LRP1B: variants seen among roughly 807,000 people sequenced by gnomAD.
LRP1B encodes LDL receptor related protein 1B.
Under a neutral mutation model 556.6 loss-of-function variants are expected in LRP1B, and 217 were observed. That is an observed-to-expected ratio of 0.39 (90% CI 0.35 to 0.44). The LOEUF (loss-of-function observed/expected upper bound fraction) is 0.44. LRP1B is among the 20% of genes least tolerant of loss of function. The pLI, the probability that LRP1B is intolerant of heterozygous loss-of-function variation, is 1.00. For synonymous variants in LRP1B, 2,047 were observed against 1,865.8 expected, an observed-to-expected ratio of 1.10 and a Z score of -2.50; for missense variants, 5,053 against 5,620.8, an observed-to-expected ratio of 0.90 and a Z score of 3.23.
chr2:141,570,203 G>A (rs1686478038), intron 2 of LRP1B, among the ~76,000 whole-genome samples: 1 of 151,076 alleles, frequency 6.6e-6, no homozygotes, highest in African/African-American at 2.4e-5. Flanking sequence ...GAAGGCCTCT[G>A]GGTTGGTGGA....
chr2:141,671,291 T>G (rs1381614157), intron 2 of LRP1B, among the ~76,000 whole-genome samples: 2 of 152,132 alleles, frequency 1.3e-5, no homozygotes, highest in African/African-American at 2.4e-5. Flanking sequence ...TAAGGTCAGA[T>G]TCTCTAGAAG....
chr2:140,975,089 A>G (rs565234306), intron 18 of LRP1B, among the ~76,000 whole-genome samples: 1 of 152,356 alleles, frequency 6.6e-6, no homozygotes, highest in Non-Finnish European at 1.5e-5. Context: ...TAGCAAAGAC[A>G]GCAAACCTTC....
rs549092032 is a variant in LRP1B, at chr2:141,682,922, T to A, written c.205+127357A>T. ...TTATATTTTGCAAATAGATTCAGTGTTTGGTGCATAGCATCTACTTATAAT... is the reference window on the plus strand; with the variant it reads ...TTATATTTTGCAAATAGATTCAGTGATTGGTGCATAGCATCTACTTATAAT... On this transcript the variant is annotated intron_variant, in intron 2 of 90. Coordinates refer to ENST00000389484, the MANE Select transcript of LRP1B (RefSeq NM_018557.3). Among the ~76,000 whole-genome samples, 15 of 152,250 alleles carry A rather than the reference T, an allele frequency of 9.9e-5. No homozygotes were observed. The South Asian group carries it at 2.5e-3, about 25-fold the overall frequency.
At chr2:141,068,444 A>G (rs76282987) in intron 7 of LRP1B, among the ~76,000 whole-genome samples, 1 of 150,128 alleles carries the variant, frequency 6.7e-6, no homozygotes, top group East Asian at 2.0e-4. Context: ...ACCAGGTGTG[A>G]TGTTTGCATA....
At chr2:140,460,320 A>C (rs531051684) in intron 60 of LRP1B, among the ~76,000 whole-genome samples, 1 of 152,120 alleles carries the variant, frequency 6.6e-6, no homozygotes, top group East Asian at 1.9e-4. Flanking sequence ...TAAATTACCA[A>C]ATCTGTAGTA....
intron 86 of LRP1B, among the ~76,000 whole-genome samples, chr2:140,259,775 T>C (rs1681851655): frequency 2.0e-5 from 3 of 151,902 alleles, no homozygotes; most frequent in Admixed American, 2.0e-4. Context: ...AAAGAAGCCA[T>C]GGGAATAGAA....
rs760864829 is a variant in LRP1B, at chr2:140,907,888, C to G, written c.3509G>C (p.Gly1170Ala). Residue 1170 changes from glycine to alanine, a missense_variant, in exon 22 of 91, where the codon GGC becomes GCC. Gly to Ala is a moderately conservative substitution (Grantham distance 60). This residue lies in a region of LRP1B where 3,619 missense variants were observed against 3,931.9 expected (regional missense o/e 0.92). Coordinates refer to ENST00000389484, the MANE Select transcript of LRP1B (RefSeq NM_018557.3). ...TAAACATGCAATACCACAGAGATAG[C>G]CTTCATCAGAGCCATCAGGACAATC... ...KKDCPDGSDEGYLCDECSLNN... is the reference protein window; with the variant it reads ...KKDCPDGSDEAYLCDECSLNN... 6.2e-7 allele frequency: 1 copy of G among 1,613,386 alleles called. No homozygotes were observed. The highest frequency in any genetic ancestry group is 8.5e-7 in the Non-Finnish European group (1 of 1,179,500).
intron 77 of LRP1B, among the ~76,000 whole-genome samples, chr2:140,338,822 G>GCAAAA (rs201261283): frequency 0.012 from 1,772 of 151,666 alleles, 12 homozygotes; most frequent in Non-Finnish European, 0.017. Flanking sequence ...AAATCATGAA[G>GCAAAA]CAAAACAAAC....
intron 17 of LRP1B, 38 bp downstream of exon 17, chr2:140,989,494 T>C (rs758817611): frequency 6.2e-7 from 1 of 1,609,546 alleles, no homozygotes; most frequent in Non-Finnish European, 8.5e-7. Flanking sequence ...AGACTAACTT[T>C]GGAGGAGATT....
At chr2:141,268,996 T>A (rs901824482) in intron 3 of LRP1B, among the ~76,000 whole-genome samples, 4 of 152,126 alleles carry the variant, frequency 2.6e-5, no homozygotes, top group Admixed American at 2.6e-4. Flanking sequence ...ATGACACTTG[T>A]AAAGCAGAGG....
At chr2:141,454,974 A>ATT (rs201551889) in intron 3 of LRP1B, among the ~76,000 whole-genome samples, 10 of 152,016 alleles carry the variant, frequency 6.6e-5, no homozygotes, top group Middle Eastern at 3.4e-3. Context: ...TTGTAAATGT[A>ATT]TTTTTTTTCT....
chr2:140,399,131 A>G (rs936428428), intron 66 of LRP1B, among the ~76,000 whole-genome samples: 9 of 149,880 alleles, frequency 6.0e-5, no homozygotes, highest in Non-Finnish European at 1.3e-4. Context: ...TCTAAAACTT[A>G]GTGCCTTATT....
At chr2:140,366,059 T>C (rs1420970748) in intron 71 of LRP1B, among the ~76,000 whole-genome samples, 2 of 151,702 alleles carry the variant, frequency 1.3e-5, no homozygotes, top group African/African-American at 4.8e-5. Context: ...TAAGAAGTGA[T>C]AGAATCAGTT....
At chr2:141,967,224 T>C (rs1052228973) in intron 1 of LRP1B, among the ~76,000 whole-genome samples, 1 of 151,954 alleles carries the variant, frequency 6.6e-6, no homozygotes, top group Non-Finnish European at 1.5e-5. Flanking sequence ...CAAAAATATA[T>C]GATTTAACTC....
rs1035340895 is a variant in LRP1B at position 140,651,995 on chromosome 2, T to C, written c.6799+48255A>G. ...GAATATGGGTAAGCACAAGAGAATATATTAGAAAATTGCCTGATATTTAAA... is the reference window on the plus strand; with the variant it reads ...GAATATGGGTAAGCACAAGAGAATACATTAGAAAATTGCCTGATATTTAAA... On this transcript the variant is annotated intron_variant, in intron 41 of 90. Transcript: ENST00000389484. 1.1e-3 allele frequency among the ~76,000 whole-genome samples: 161 copies of C among 152,132 alleles called. 1 individual carries two copies. The highest frequency in any genetic ancestry group is 3.8e-3 in the African/African-American group (156 of 41,504).
chr2:140,586,426 C>T lies in LRP1B; in HGVS notation c.7194+12205G>A, dbSNP rs144419901. Reference sequence around the variant, plus strand: ...CAGAAAACTTTACTATAGCCAGCCACCACAGGAAAAAGGCTGTGACACACC... The same window carrying T: ...CAGAAAACTTTACTATAGCCAGCCATCACAGGAAAAAGGCTGTGACACACC... On this transcript the variant is annotated intron_variant, in intron 43 of 90. Transcript: ENST00000389484. Among the ~76,000 whole-genome samples the T allele has an allele frequency of 4.5e-3, 683 of 152,300 alleles. 6 individuals are homozygous for T. The highest frequency in any genetic ancestry group is 0.015 in the African/African-American group (636 of 41,560).
At chr2:140,781,263 C>T (rs1689688743) in intron 32 of LRP1B, among the ~76,000 whole-genome samples, 1 of 152,176 alleles carries the variant, frequency 6.6e-6, no homozygotes, top group South Asian at 2.1e-4. Context: ...AAGACCCCAA[C>T]TGTCCTGGAA....
chr2:140,697,659 C>T (rs1686479707), intron 41 of LRP1B, among the ~76,000 whole-genome samples: 1 of 152,008 alleles, frequency 6.6e-6, no homozygotes, highest in Non-Finnish European at 1.5e-5. Flanking sequence ...CTTGAAAACA[C>T]TATGCTAAGT....
At chr2:141,271,634 C>T (rs537951608) in intron 3 of LRP1B, among the ~76,000 whole-genome samples, 1 of 151,676 alleles carries the variant, frequency 6.6e-6, no homozygotes, top group Admixed American at 6.6e-5. Flanking sequence ...TTATTTCCAG[C>T]GAAGCTCTCT....
Sources: allele counts gnomAD v4.1 joint callset (sites outside exome capture counted in the v4.1 genomes callset), GRCh38; gene constraint gnomAD v4.1.1; regional missense constraint gnomAD v4.1.1; transcripts MANE v1.5; gene names NCBI Gene and HGNC (gene_info 2026-07-23, HGNC 2026-07-21).